PTPRD: variants seen among roughly 807,000 people sequenced by gnomAD.
PTPRD encodes the protein protein tyrosine phosphatase receptor type D.
Under a neutral mutation model 214.5 loss-of-function variants are expected in PTPRD, and 34 were observed. The observed-to-expected ratio is 0.16, with a 90% CI of 0.12 to 0.21. The LOEUF (loss-of-function observed/expected upper bound fraction) is 0.21. Ranked by LOEUF, PTPRD falls within the 10% of genes least tolerant of loss-of-function variation. PTPRD has a pLI of 1.00. For missense variants in PTPRD, 2,545 were observed against 2,398.7 expected, an observed-to-expected ratio of 1.06 and a Z score of -1.27; for synonymous variants, 1,128 against 845.7, an observed-to-expected ratio of 1.33 and a Z score of -5.79.
chr9:9,497,168 T>C (rs562224647), intron 8 of PTPRD, among the ~76,000 whole-genome samples: 1 of 152,280 alleles, frequency 6.6e-6, no homozygotes, highest in South Asian at 2.1e-4. Context: ...TGGAGGTGGA[T>C]GGTGGTGATA....
chr9:9,087,222 G>A (rs1263241783), intron 10 of PTPRD, among the ~76,000 whole-genome samples: 3 of 152,098 alleles, frequency 2.0e-5, no homozygotes, highest in East Asian at 1.9e-4. Context: ...AACATCTACA[G>A]ATTTCCCCAG....
intron 12 of PTPRD, among the ~76,000 whole-genome samples, chr9:8,726,709 G>A (rs1310170103): frequency 1.4e-5 from 2 of 138,404 alleles, no homozygotes; most frequent in African/African-American, 2.7e-5. Context: ...GCTAAGGCAG[G>A]AGAATTGCTT....
intron 5 of PTPRD, among the ~76,000 whole-genome samples, chr9:9,917,384 A>C (rs141862214): frequency 4.7e-4 from 70 of 149,392 alleles, no homozygotes; most frequent in African/African-American, 1.4e-3. Context: ...TCACAGGAAT[A>C]CAAAACATTA....
intron 7 of PTPRD, among the ~76,000 whole-genome samples, chr9:9,650,751 A>T (rs2096319037): frequency 6.6e-6 from 1 of 152,124 alleles, no homozygotes; most frequent in African/African-American, 2.4e-5. Context: ...TATGTAACAA[A>T]GCTGCACATG....
chr9:9,694,003 G>A (rs1297429528), intron 7 of PTPRD, among the ~76,000 whole-genome samples: 1 of 152,088 alleles, frequency 6.6e-6, no homozygotes, highest in African/African-American at 2.4e-5. Context: ...TTCCTTCTCT[G>A]CATAATCTTG....
chr9:9,970,112 T>A (rs1376794586), intron 4 of PTPRD, among the ~76,000 whole-genome samples: 1 of 152,174 alleles, frequency 6.6e-6, no homozygotes, highest in African/African-American at 2.4e-5. Flanking sequence ...TTATAGGTTT[T>A]ATTATTAAGG....
At chr9:8,988,629 T>G (rs2099354575) in intron 11 of PTPRD, among the ~76,000 whole-genome samples, 1 of 152,138 alleles carries the variant, frequency 6.6e-6, no homozygotes. Flanking sequence ...TTAATTTACA[T>G]AGAAATGATT....
At chr9:8,906,640 A>C (rs879001716) in intron 11 of PTPRD, among the ~76,000 whole-genome samples, 4 of 152,186 alleles carry the variant, frequency 2.6e-5, no homozygotes, top group Non-Finnish European at 5.9e-5. Context: ...TAATAGTGGG[A>C]ATCTGTGGCA....
At chr9:8,514,127 CTGAGTTATGA>C (rs1253579629) in intron 21 of PTPRD, among the ~76,000 whole-genome samples, 2 of 152,054 alleles carry the variant, frequency 1.3e-5, no homozygotes, top group African/African-American at 4.8e-5. Flanking sequence ...GCTACCTTCA[CTGAGTTATGA>C]TTCAATGTCA....
chr9:8,322,930 G>C (rs140792639), intron 44 of PTPRD, among the ~76,000 whole-genome samples: 2 of 152,138 alleles, frequency 1.3e-5, no homozygotes, highest in East Asian at 3.9e-4. Flanking sequence ...GAAAATCCTA[G>C]GGCTCTCAAG....
At chr9:9,800,963 C>T (rs2099035908) in intron 5 of PTPRD, among the ~76,000 whole-genome samples, 1 of 152,072 alleles carries the variant, frequency 6.6e-6, no homozygotes, top group Non-Finnish European at 1.5e-5. Flanking sequence ...TGTCCAAGCA[C>T]TAATCTCCTT....
chr9:10,528,466 T>C lies in PTPRD; in HGVS notation c.-600+83932A>G, dbSNP rs542523825. Among the ~76,000 whole-genome samples the C allele has an allele frequency of 8.5e-5, 13 of 152,262 alleles. No individual in the cohort carries two copies. The East Asian group carries it at 2.5e-3, about 29-fold the overall frequency. The stretch of plus-strand genomic sequence containing the variant: ...GAGACCACCTTCATTATAGAACCTG[T>C]TACAGTATATTATAACATCTTTTAC... On this transcript the variant is annotated intron_variant, in intron 2 of 45. Transcript: ENST00000381196.
In PTPRD at chr9:10,420,906, A is replaced by G. The variant is rs530352530; in HGVS notation, c.-599-79889T>C. ...ATTTCTAAGACTCCCACATTTTGCT[A>G]CTGTTACAGAAATTGTCTCATGCTT... is the stretch of plus-strand genomic sequence containing the variant. On this transcript the variant is annotated intron_variant, in intron 2 of 45. Transcript: ENST00000381196. Among the ~76,000 whole-genome samples, 11 of 151,712 alleles carry G rather than the reference A, an allele frequency of 7.3e-5. No individual in the cohort carries two copies. In the South Asian group the frequency reaches 2.1e-3, roughly 29 times the overall value.
At chr9:9,661,983 A>G (rs554413057) in intron 7 of PTPRD, among the ~76,000 whole-genome samples, 4 of 151,778 alleles carry the variant, frequency 2.6e-5, no homozygotes, top group Non-Finnish European at 5.9e-5. Flanking sequence ...TTAATTTGCA[A>G]TATAGGTACA....
chr9:9,876,264 G>T (rs1432813866), intron 5 of PTPRD, among the ~76,000 whole-genome samples: 1 of 152,054 alleles, frequency 6.6e-6, no homozygotes, highest in African/African-American at 2.4e-5. Flanking sequence ...TTATCAAAAT[G>T]AATATATGAT....
intron 10 of PTPRD, among the ~76,000 whole-genome samples, chr9:9,073,097 G>C (rs2099746181): frequency 6.6e-6 from 1 of 152,138 alleles, no homozygotes; most frequent in African/African-American, 2.4e-5. Flanking sequence ...AAGGGGTAAA[G>C]AAAGACGAGA....
At chr9:10,377,119 C>T (rs2097746039) in intron 2 of PTPRD, among the ~76,000 whole-genome samples, 1 of 151,646 alleles carries the variant, frequency 6.6e-6, no homozygotes, top group African/African-American at 2.4e-5. Context: ...CAATTATTTT[C>T]GTTTTTAGAT....
intron 11 of PTPRD, among the ~76,000 whole-genome samples, chr9:8,972,298 C>A (rs1172086031): frequency 4.0e-5 from 6 of 151,872 alleles, no homozygotes; most frequent in Non-Finnish European, 1.5e-5. Context: ...TTTTCAATAA[C>A]TCTATTAGAC....
At chr9:10,589,901 T>C (rs2074999569) in intron 2 of PTPRD, among the ~76,000 whole-genome samples, 1 of 152,092 alleles carries the variant, frequency 6.6e-6, no homozygotes, top group Admixed American at 6.6e-5. Context: ...AAGAAATGCA[T>C]AAGCTAGAAT....
Sources: gnomAD v4.1 joint callset for allele counts (sites outside exome capture counted in the v4.1 genomes callset) on GRCh38, gnomAD v4.1.1 for gene constraint, MANE v1.5 for transcripts, NCBI Gene and HGNC (gene_info 2026-07-23, HGNC 2026-07-21) for gene names.